Variants in DEFB121 observed in about 807,000 individuals in gnomAD.
DEFB121 encodes beta-defensin 121.
A neutral mutation model predicts 2.5 loss-of-function variants in DEFB121; 5 were observed. The ratio of observed to expected loss-of-function variants is 1.96; its 90% CI spans 1.03 to 4.13. The LOEUF (loss-of-function observed/expected upper bound fraction) is 4.13. Ranked by LOEUF, DEFB121 falls within the 30% of genes most tolerant of loss-of-function variation. DEFB121 has a pLI of 0.00. For synonymous variants in DEFB121, 39 were observed against 32.6 expected, an observed-to-expected ratio of 1.20 and a Z score of -0.67; for missense variants, 87 against 85.0, an observed-to-expected ratio of 1.02 and a Z score of -0.09.
chr20:31,407,518 G>C (rs190622951), upstream of DEFB121, among the ~76,000 whole-genome samples: 6 of 152,128 alleles, frequency 3.9e-5, no homozygotes, highest in Non-Finnish European at 7.4e-5. Flanking sequence ...ATGCCCCAGT[G>C]GTCCAAGGAG....
At chr20:31,410,619 A>G (rs1035020151), upstream of DEFB121, among the ~76,000 whole-genome samples, 5 of 152,204 alleles carry the variant, frequency 3.3e-5, no homozygotes, top group Admixed American at 6.5e-5. Context: ...ATAAAGTGCT[A>G]TATTGACAAG....
intron 1 of DEFB121, among the ~76,000 whole-genome samples, chr20:31,411,882 C>G (rs1041308431): frequency 6.6e-6 from 1 of 152,228 alleles, no homozygotes; most frequent in African/African-American, 2.4e-5. Flanking sequence ...TCTTCTTGAG[C>G]CTCAAGTGGG....
At chr20:31,406,327 T>C (rs74647926), upstream of DEFB121, 35,584 of 1,360,316 alleles carry the variant, frequency 0.026, 561 homozygotes, top group Middle Eastern at 0.031. Context: ...GCAAGGAAGG[T>C]ATCAACCACA....
At chr20:31,412,137 T>G (rs1978680754) in intron 1 of DEFB121, among the ~76,000 whole-genome samples, 1 of 152,226 alleles carries the variant, frequency 6.6e-6, no homozygotes, top group African/African-American at 2.4e-5. Flanking sequence ...CACTTCTTTG[T>G]AATCTTTGGG....
At chr20:31,406,000 G>T in intron 1 of DEFB121, 95 bp downstream of exon 1, 1 of 1,399,316 alleles carries the variant, frequency 7.1e-7, no homozygotes, top group Non-Finnish European at 1.0e-6. Context: ...GCTCTACCAG[G>T]CCATTCTCCC....
chr20:31,417,994 C>T, the DEFB121 span, among the ~76,000 whole-genome samples: 2 of 151,216 alleles, frequency 1.3e-5, no homozygotes, highest in African/African-American at 4.9e-5. Context: ...GGCGCGGTGG[C>T]TCACGCCTGT....
chr20:31,416,020 G>T (rs937265140), upstream of DEFB121, among the ~76,000 whole-genome samples: 1 of 151,994 alleles, frequency 6.6e-6, no homozygotes, highest in Non-Finnish European at 1.5e-5. Flanking sequence ...GAGGGAGGTT[G>T]AAAAGGCAGA....
chr20:31,410,026 T>C (rs1978613242), upstream of DEFB121, among the ~76,000 whole-genome samples: 1 of 152,200 alleles, frequency 6.6e-6, no homozygotes, highest in South Asian at 2.1e-4. Flanking sequence ...CATTATGTTT[T>C]ATATAAATTA....
At chr20:31,405,693 G>A (rs1281554352) in intron 1 of DEFB121, among the ~76,000 whole-genome samples, 1 of 152,112 alleles carries the variant, frequency 6.6e-6, no homozygotes, top group Non-Finnish European at 1.5e-5. Flanking sequence ...TTAAAAAGTG[G>A]AATCAGAATC....
chr20:31,416,208 G>T (rs983113370), upstream of DEFB121, among the ~76,000 whole-genome samples: 1 of 152,048 alleles, frequency 6.6e-6, no homozygotes, highest in African/African-American at 2.4e-5. Context: ...CTACAGGTGT[G>T]CGCCACCACG....
chr20:31,406,107 G>A lies in DEFB121; in HGVS notation c.46C>T (p.Gln16Ter), dbSNP rs570338026. 1.2e-6 allele frequency: 2 copies of A among 1,614,110 alleles called. No individual in the cohort carries two copies. The highest frequency in any genetic ancestry group is 2.7e-5 in the African/African-American group (2 of 75,036). ...AGATCCTGTTTACCTGGGGTGACCT[G>A]GGCCAGGAGCAGAGTAACAGTCAAA... ...LLLTVTLLLA[Q>*]VTPVMKCWGK... Residue 16 changes from glutamine to a stop codon, truncating the protein, a stop_gained, in exon 1 of 2, where the codon CAG becomes TAG. Coordinates refer to ENST00000376314, the MANE Select transcript of DEFB121 (RefSeq NM_001011878.3). LOFTEE classifies it low-confidence loss of function (END_TRUNC).
chr20:31,408,774 C>T (rs1444269723), upstream of DEFB121, among the ~76,000 whole-genome samples: 1 of 152,160 alleles, frequency 6.6e-6, no homozygotes, highest in Non-Finnish European at 1.5e-5. Flanking sequence ...GCCTGTAATT[C>T]CAGCACTTTG....
chr20:31,409,829 T>C (rs941903356), upstream of DEFB121, among the ~76,000 whole-genome samples: 2 of 152,084 alleles, frequency 1.3e-5, no homozygotes, highest in African/African-American at 4.8e-5. Context: ...AAGAAGAACA[T>C]ACTGAACAAG....
chr20:31,412,132 C>A (rs190078103), intron 1 of DEFB121, among the ~76,000 whole-genome samples: 14 of 152,324 alleles, frequency 9.2e-5, no homozygotes, highest in Admixed American at 8.5e-4. Flanking sequence ...CATATCACTT[C>A]TTTGTAATCT....
Position 31,406,142 on chromosome 20 carries a change from A to C in DEFB121, c.11T>G (p.Leu4Arg). 1 of 1,614,166 alleles carries C rather than the reference A, an allele frequency of 6.2e-7. No homozygotes were observed. Among genetic ancestry groups the C allele is most frequent in the Non-Finnish European group, 8.5e-7 (1 of 1,179,992 alleles). MKLLLLLLTVTLLL... is the reference protein window; with the variant it reads MKLRLLLLTVTLLL... ...CAGAGTAACAGTCAAAAGCAGAAGAAGGAGCTTCATGAATGATGAATGATC... is the reference window on the plus strand; with the variant it reads ...CAGAGTAACAGTCAAAAGCAGAAGACGGAGCTTCATGAATGATGAATGATC... The change falls in exon 1 of 2, where the codon CTT becomes CGT. Residue 4 changes from leucine to arginine, a missense_variant. Coordinates refer to ENST00000376314, the MANE Select transcript of DEFB121 (RefSeq NM_001011878.3).
At chr20:31,405,180 G>A (rs1978437034) in intron 1 of DEFB121, 95 bp from the exon 2 acceptor site, 2 of 1,248,844 alleles carry the variant, frequency 1.6e-6, no homozygotes, top group African/African-American at 3.0e-5. Flanking sequence ...AGGAGTAGGA[G>A]GGAAATGAGG....
chr20:31,405,211 CT>C, intron 1 of DEFB121, 126 bp from the exon 2 acceptor site: 1 of 865,034 alleles, frequency 1.2e-6, no homozygotes, highest in Non-Finnish European at 1.7e-6. Context: ...GGAAGAAGCT[CT>C]TACACAGGAT....
Position 31,404,985 on chromosome 20 carries a change from A to T in DEFB121, c.159T>A (p.Asp53Glu). ...TTGGTTTTACAGGTACATACTTGGGATCCACACAGCACTTAGCCTCAGTTT... is the reference window on the plus strand; with the variant it reads ...TTGGTTTTACAGGTACATACTTGGGTTCCACACAGCACTTAGCCTCAGTTT... ...LCKTEAKCCV[D>E]PKYVPVKPKL... Residue 53 changes from aspartate to glutamate, a missense_variant, in exon 2 of 2, where the codon GAT (aspartate) becomes GAA (glutamate). Asp to Glu is a conservative substitution (Grantham distance 45). Transcript: ENST00000376314. The T allele has an allele frequency of 6.2e-7, 1 of 1,614,078 alleles. No homozygotes were observed. Among genetic ancestry groups the T allele is most frequent in the Non-Finnish European group, 8.5e-7 (1 of 1,180,024 alleles).
upstream of DEFB121, among the ~76,000 whole-genome samples, chr20:31,408,897 G>A (rs1005867652): frequency 1.1e-4 from 17 of 151,910 alleles, no homozygotes; most frequent in Non-Finnish European, 2.1e-4. Flanking sequence ...GGGGTGGTGA[G>A]CAACTGTAAC....
Sources: allele counts gnomAD v4.1 joint callset (sites outside exome capture counted in the v4.1 genomes callset), GRCh38; gene constraint gnomAD v4.1.1; transcripts MANE v1.5; gene names NCBI Gene and HGNC (gene_info 2026-07-23, HGNC 2026-07-21).